Variants in KIAA1328 observed in about 807,000 individuals in gnomAD.
KIAA1328 encodes KIAA1328.
A neutral mutation model predicts 68.1 loss-of-function variants in KIAA1328; 52 were observed. The observed-to-expected ratio is 0.76, with a 90% CI of 0.61 to 0.96. The LOEUF is 0.96. Among genes scored for constraint, KIAA1328 ranks in the 40% least tolerant of loss-of-function variants. The pLI is 0.00. For missense variants in KIAA1328, 641 were observed against 677.6 expected (o/e 0.95, Z 0.60); for synonymous variants, 232 against 239.4 (o/e 0.97, Z 0.28).
chr18:36,847,571 C>G (rs2047069905), intron 4 of KIAA1328, among the ~76,000 whole-genome samples: 1 of 151,450 alleles, frequency 6.6e-6, no homozygotes, highest in Non-Finnish European at 1.5e-5. Flanking sequence ...AAGTGTCTGT[C>G]AAATCTTTTT....
In KIAA1328 at chr18:37,012,386, C is replaced by T. The variant is rs1445497023; in HGVS notation, c.576+52951C>T. On this transcript the variant is annotated intron_variant, in intron 6 of 9. Transcript: ENST00000280020. The stretch of plus-strand genomic sequence containing the variant: ...TTACCCAGAAAACTAAAATGTATTC[C>T]CTGGGATGTCATTGCTGGGAAGAAT... 2.6e-5 allele frequency among the ~76,000 whole-genome samples: 4 copies of T among 152,238 alleles called. 1 individual carries two copies. The East Asian group carries it at 7.7e-4, about 29-fold the overall frequency.
intron 9 of KIAA1328, among the ~76,000 whole-genome samples, chr18:37,215,883 G>C (rs2060421221): frequency 6.6e-6 from 1 of 152,150 alleles, no homozygotes; most frequent in Non-Finnish European, 1.5e-5. Flanking sequence ...TTGGGAGGGT[G>C]TATGTGTCGA....
intron 7 of KIAA1328, among the ~76,000 whole-genome samples, chr18:37,153,623 GCTT>G (rs1414208883): frequency 7.5e-6 from 1 of 132,684 alleles, no homozygotes; most frequent in Non-Finnish European, 1.6e-5. Flanking sequence ...CAATCCAATA[GCTT>G]TTTTTTTTTT....
intron 5 of KIAA1328, among the ~76,000 whole-genome samples, chr18:36,928,186 A>G (rs192930338): frequency 1.3e-5 from 2 of 152,202 alleles, no homozygotes; most frequent in Non-Finnish European, 2.9e-5. Flanking sequence ...GTATGTGAGT[A>G]TGGTGGTGGT....
At chr18:37,228,849 A>C (rs58112841), downstream of KIAA1328, among the ~76,000 whole-genome samples, 1,416 of 152,214 alleles carry the variant, frequency 9.3e-3, 24 homozygotes, top group African/African-American at 0.033. Flanking sequence ...AAAAGATTAC[A>C]ACCCACTGAA....
At chr18:37,183,105 T>C (rs970338437) in intron 9 of KIAA1328, among the ~76,000 whole-genome samples, 1 of 152,172 alleles carries the variant, frequency 6.6e-6, no homozygotes, top group Non-Finnish European at 1.5e-5. Context: ...TTGTTTTTCT[T>C]CTAAATAGAG....
chr18:36,956,541 A>AGTGGG (rs2051424296), intron 5 of KIAA1328, among the ~76,000 whole-genome samples: 1 of 128,464 alleles, frequency 7.8e-6, no homozygotes, highest in African/African-American at 3.2e-5. Context: ...GGAGGAAGGA[A>AGTGGG]GTGGGGGGGG....
At chr18:36,856,265 C>G (rs564924901) in intron 4 of KIAA1328, among the ~76,000 whole-genome samples, 1 of 151,954 alleles carries the variant, frequency 6.6e-6, no homozygotes, top group South Asian at 2.1e-4. Context: ...TCAGGTATGC[C>G]TTTTTGCCTT....
At chr18:36,982,750 G>C (rs2052747434) in intron 6 of KIAA1328, among the ~76,000 whole-genome samples, 2 of 151,872 alleles carry the variant, frequency 1.3e-5, no homozygotes, top group African/African-American at 4.8e-5. Context: ...TATTATATAA[G>C]TCATTTTAAA....
intron 7 of KIAA1328, among the ~76,000 whole-genome samples, chr18:37,132,371 G>A (rs1312538530): frequency 6.6e-6 from 1 of 152,200 alleles, no homozygotes; most frequent in Non-Finnish European, 1.5e-5. Flanking sequence ...GTTCCAAGGA[G>A]ACAAGGAATC....
intron 6 of KIAA1328, among the ~76,000 whole-genome samples, chr18:37,061,069 C>T (rs527866023): frequency 2.8e-4 from 43 of 152,144 alleles, no homozygotes; most frequent in Admixed American, 2.6e-4. Flanking sequence ...GAGCCAAGAT[C>T]GTGCCACTGC....
At chr18:36,845,587 G>T (rs2047000077) in intron 4 of KIAA1328, among the ~76,000 whole-genome samples, 1 of 151,516 alleles carries the variant, frequency 6.6e-6, no homozygotes, top group Non-Finnish European at 1.5e-5. Context: ...ACGCATATTT[G>T]ACAACTCATA....
At chr18:36,878,027 G>A (rs761003533) in intron 4 of KIAA1328, among the ~76,000 whole-genome samples, 1 of 152,040 alleles carries the variant, frequency 6.6e-6, no homozygotes, top group Non-Finnish European at 1.5e-5. Context: ...ACATTGTTAT[G>A]TGTGAATTTG....
chr18:36,879,693 G>A (rs1340646071), intron 4 of KIAA1328, among the ~76,000 whole-genome samples: 5 of 152,150 alleles, frequency 3.3e-5, no homozygotes, highest in Non-Finnish European at 7.3e-5. Context: ...AGTCCCTGAC[G>A]GGCTGCTGCC....
At chr18:36,980,575 G>C (rs912986949) in intron 6 of KIAA1328, among the ~76,000 whole-genome samples, 28 of 152,140 alleles carry the variant, frequency 1.8e-4, no homozygotes, top group African/African-American at 6.3e-4. Context: ...AATATCTGGT[G>C]ATTTTTTTAC....
At position 37,160,302 on chromosome 18, in the gene KIAA1328, G is replaced by C. The variant is rs372068911; in HGVS notation, c.1335G>C (p.Lys445Asn). The C allele has an allele frequency of 1.2e-6, 2 of 1,613,594 alleles. No individual in the cohort carries two copies. The highest frequency in any genetic ancestry group is 1.7e-6 in the Non-Finnish European group (2 of 1,179,724). ...GTGGAGAGAATAGGAAGGAGAGGAA[G>C]ACAGTTGGGTTTCATTCGCATATGA... ...PNSGENRKERKTVGFHSHMKD... is the reference protein window; with the variant it reads ...PNSGENRKERNTVGFHSHMKD... The change falls in exon 8 of 10, where the codon AAG becomes AAC. Residue 445 changes from lysine (K) to asparagine (N), a missense_variant. By Grantham distance (94) the Lys-to-Asn change is moderately conservative. Transcript: ENST00000280020.
intron 8 of KIAA1328, among the ~76,000 whole-genome samples, chr18:37,170,943 T>C (rs997917615): frequency 1.3e-5 from 2 of 152,124 alleles, no homozygotes; most frequent in Non-Finnish European, 1.5e-5. Context: ...TACCTACAAA[T>C]GGGCAAGAGG....
At chr18:36,983,666 G>A (rs1326905779) in intron 6 of KIAA1328, among the ~76,000 whole-genome samples, 3 of 151,960 alleles carry the variant, frequency 2.0e-5, no homozygotes, top group African/African-American at 7.2e-5. Flanking sequence ...AAAGCCCAGA[G>A]GCATCACTGG....
At chr18:36,829,223 C>G in intron 1 of KIAA1328, 27 bp downstream of exon 1, 1 of 1,497,206 alleles carries the variant, frequency 6.7e-7, no homozygotes, top group Admixed American at 2.2e-5. Context: ...TGACAGGGGG[C>G]GCCGGCGCCC....
Sources: gnomAD v4.1 joint callset for allele counts (sites outside exome capture counted in the v4.1 genomes callset) on GRCh38, gnomAD v4.1.1 for gene constraint, MANE v1.5 for transcripts, NCBI Gene and HGNC (gene_info 2026-07-23, HGNC 2026-07-21) for gene names.